The following BCKDHA variants were observed in gnomAD, a reference collection of about 807,000 sequenced individuals.
The protein encoded by BCKDHA is 2-oxoisovalerate dehydrogenase subunit alpha, mitochondrial.
Under a neutral mutation model 52.2 loss-of-function variants are expected in BCKDHA, and 43 were observed. That is an observed-to-expected ratio of 0.82 (90% CI 0.64 to 1.06). The LOEUF is 1.06. Ranked by LOEUF, BCKDHA falls within the 50% of genes least tolerant of loss-of-function variation. BCKDHA has a pLI of 0.00. For missense variants in BCKDHA, 527 were observed against 621.3 expected (o/e 0.85, Z 1.61); for synonymous variants, 234 against 247.9 (o/e 0.94, Z 0.53).
chr19:41,412,400 C>CTTTTTTTTTTTTTTTTTTTTTGTTTTTT, intron 3 of BCKDHA, among the ~76,000 whole-genome samples: 1 of 58,150 alleles, frequency 1.7e-5, no homozygotes, highest in East Asian at 3.8e-4. Flanking sequence ...TTTTTTTTTA[C>CTTTTTTTTTTTTTTTTTTTTTGTTTTTT]TTTTGAGATG....
rs370480422 is a variant in BCKDHA at position 41,424,628 on chromosome 19, C to A, written c.*20C>A. On this transcript the variant is annotated 3_prime_UTR_variant, in exon 9 of 9. Coordinates refer to ENST00000269980, the MANE Select transcript of BCKDHA (RefSeq NM_000709.4). Reference sequence around the variant, plus strand: ...AAGTGAGACCTGCTCAGCCCACCCCCACCCATCCTCAGCTACCCCGAGAGG... The same window carrying A: ...AAGTGAGACCTGCTCAGCCCACCCCAACCCATCCTCAGCTACCCCGAGAGG... The A allele has an allele frequency of 3.0e-4, 464 of 1,564,980 alleles. No homozygotes were observed. Among genetic ancestry groups the A allele is most frequent in the Non-Finnish European group, 3.6e-4 (414 of 1,150,896 alleles).
chr19:41,413,485 C>A (rs1014420208), intron 3 of BCKDHA, among the ~76,000 whole-genome samples: 5 of 152,168 alleles, frequency 3.3e-5, no homozygotes, highest in African/African-American at 1.2e-4. Flanking sequence ...CAAGCTGGGC[C>A]TCTGCCCCCT....
chr19:41,416,239 C>T (rs961478901), intron 4 of BCKDHA, among the ~76,000 whole-genome samples: 5 of 152,184 alleles, frequency 3.3e-5, no homozygotes, highest in African/African-American at 7.2e-5. Context: ...GCCACCGCGC[C>T]GGGCCAGCCA....
chr19:41,414,161 C>G lies in BCKDHA; in HGVS notation c.484+4C>G. On this transcript the variant is annotated splice_donor_region_variant and intron_variant, in intron 4 of 8. Transcript: ENST00000269980. ...TTTGGCCAGTACCGGGAGGCAGGTA[C>G]GTCTGTCCGTGGTTTGGCCCTGTGG... 1.2e-6 allele frequency: 2 copies of G among 1,613,100 alleles called. No homozygotes were observed. Among genetic ancestry groups the G allele is most frequent in the East Asian group, 4.5e-5 (2 of 44,884 alleles).
At chr19:41,416,494 G>A (rs778760219) in intron 4 of BCKDHA, among the ~76,000 whole-genome samples, 14 of 152,232 alleles carry the variant, frequency 9.2e-5, no homozygotes, top group Non-Finnish European at 1.2e-4. Context: ...GAGTGGAGCC[G>A]AGTCTTTTTA....
At position 41,411,027 on chromosome 19, in the gene BCKDHA, TA is replaced by T. The variant is rs1159020481; in HGVS notation, c.375+19del. The T allele has an allele frequency of 4.3e-6, 7 of 1,612,970 alleles. No individual in the cohort carries two copies. In the African/African-American group the frequency reaches 5.3e-5, roughly 12 times the overall value. On this transcript the variant is annotated intron_variant, in intron 3 of 8. Coordinates refer to ENST00000269980, the MANE Select transcript of BCKDHA (RefSeq NM_000709.4). ...AGCGGCAGGTGCGTGGGGACAGGAC[TA>T]GGGGCGGGGGGCTGGAATTACCTGA...
Position 41,424,752 on chromosome 19 carries a change from T to A in BCKDHA, c.*144T>A. Reference sequence around the variant, plus strand: ...ACTCAGCGGCCAGGGCGGCTGCCACTCTTCACCCCTGCTCCTCCCGGCTGT... The same window carrying A: ...ACTCAGCGGCCAGGGCGGCTGCCACACTTCACCCCTGCTCCTCCCGGCTGT... On this transcript the variant is annotated 3_prime_UTR_variant, in exon 9 of 9. Transcript: ENST00000269980. 1 of 874,104 alleles carries A rather than the reference T, an allele frequency of 1.1e-6. No homozygotes were observed. The highest frequency in any genetic ancestry group is 1.8e-5 in the South Asian group (1 of 54,514). The allele number at this position is 874,104 out of a possible 1,614,324, so 54.1% of individuals were successfully genotyped here.
At chr19:41,407,022 A>G (rs993707632) in intron 1 of BCKDHA, among the ~76,000 whole-genome samples, 1 of 150,802 alleles carries the variant, frequency 6.6e-6, no homozygotes, top group Non-Finnish European at 1.5e-5. Flanking sequence ...GCCGCTGCAC[A>G]TCGCCACAGT....
At position 41,410,704 on chromosome 19, in the gene BCKDHA, C is replaced by T. The variant is rs138373035; in HGVS notation, c.176C>T (p.Ala59Val). 5.1e-5 allele frequency: 82 copies of T among 1,614,176 alleles called. No individual in the cohort carries two copies. Among genetic ancestry groups the T allele is most frequent in the African/African-American group, 2.7e-5 (2 of 75,040 alleles). Reference sequence around the variant, plus strand: ...AAGCCCCAGTTCCCAGGGGCCTCGGCGGAGTTTATAGATAAGTTGGAATTC... The same window carrying T: ...AAGCCCCAGTTCCCAGGGGCCTCGGTGGAGTTTATAGATAAGTTGGAATTC... ...DDKPQFPGAS[A>V]EFIDKLEFIQ... is the part of the protein sequence containing the mutation. Residue 59 changes from alanine to valine, a missense_variant, in exon 2 of 9, where the codon GCG becomes GTG. Transcript: ENST00000269980.
chr19:41,417,337 C>T (rs751781931), intron 4 of BCKDHA, among the ~76,000 whole-genome samples: 4 of 152,090 alleles, frequency 2.6e-5, no homozygotes, highest in Non-Finnish European at 4.4e-5. Flanking sequence ...TTAGCACGTT[C>T]CCCTGCCCCT....
chr19:41,409,131 G>A (rs1389791362), intron 1 of BCKDHA, among the ~76,000 whole-genome samples: 2 of 152,026 alleles, frequency 1.3e-5, no homozygotes, highest in African/African-American at 4.8e-5. Flanking sequence ...TGTATTTTTG[G>A]TAGACATGGG....
In BCKDHA at chr19:41,422,351, GT is replaced by G. The variant is rs755451300; in HGVS notation, c.835del (p.Tyr279IlefsTer51). ...YAISTPTSEQ[Y>X]RGDGIAARGP... The stretch of plus-strand genomic sequence containing the variant: ...CCATCTCCACGCCCACCTCTGAGCA[GT>G]ATCGCGGCGATGGCATTGGTATGGG... On this transcript the variant is annotated frameshift_variant, in exon 6 of 9. Transcript: ENST00000269980. LOFTEE classifies it high-confidence loss of function. 10 of 1,614,198 alleles carry G rather than the reference GT, an allele frequency of 6.2e-6. No individual in the cohort carries two copies. Among genetic ancestry groups the G allele is most frequent in the Non-Finnish European group, 7.6e-6 (9 of 1,180,024 alleles).
At chr19:41,422,942 C>T in intron 7 of BCKDHA, 56 bp from the exon 8 acceptor site, 4 of 1,551,518 alleles carry the variant, frequency 2.6e-6, no homozygotes, top group Non-Finnish European at 3.5e-6. Flanking sequence ...CATCCTCCCT[C>T]CTGACCCCCA....
rs763820194 is a variant in BCKDHA, at chr19:41,422,156, C to T, written c.647-8C>T. On this transcript the variant is annotated splice_region_variant and splice_polypyrimidine_tract_variant and intron_variant, in intron 5 of 8. Transcript: ENST00000269980. The stretch of plus-strand genomic sequence containing the variant: ...CGCCCCTGCTCACCACCCTCTCATC[C>T]CCTGCAGCGGTGGGGGCGGCGTACG... 1.4e-5 allele frequency: 23 copies of T among 1,612,336 alleles called. No homozygotes were observed. Among genetic ancestry groups the T allele is most frequent in the Non-Finnish European group, 1.9e-5 (22 of 1,179,344 alleles).
rs1198414753 is a variant in BCKDHA at position 41,422,724 on chromosome 19, G to T, written c.949G>T (p.Ala317Ser). The T allele has an allele frequency of 1.2e-5, 20 of 1,613,922 alleles. No homozygotes were observed. The highest frequency in any genetic ancestry group is 1.6e-5 in the Non-Finnish European group (19 of 1,180,034). ...CGCCACAAAGGAGGCCCGACGGCGG[G>T]CTGTGGCAGAGAACCAGCCCTTCCT... ...YNATKEARRR[A>S]VAENQPFLIE... Residue 317 changes from alanine to serine, a missense_variant, in exon 7 of 9, where the codon GCT becomes TCT. Coordinates refer to ENST00000269980, the MANE Select transcript of BCKDHA (RefSeq NM_000709.4).
At chr19:41,420,385 G>GA (rs34447852) in intron 5 of BCKDHA, among the ~76,000 whole-genome samples, 5 of 148,748 alleles carry the variant, frequency 3.4e-5, no homozygotes, top group African/African-American at 4.9e-5. Flanking sequence ...AAGTGAATGG[G>GA]AAAAAAAAAA....
intron 4 of BCKDHA, among the ~76,000 whole-genome samples, chr19:41,415,876 T>C (rs1375984007): frequency 2.0e-5 from 3 of 149,740 alleles, no homozygotes; most frequent in Non-Finnish European, 4.4e-5. Context: ...CTTGATCTCC[T>C]GACCTTGCGA....
chr19:41,420,155 C>T (rs893947188), intron 5 of BCKDHA, among the ~76,000 whole-genome samples: 3 of 152,182 alleles, frequency 2.0e-5, no homozygotes, highest in Non-Finnish European at 2.9e-5. Flanking sequence ...GGGCCTGAAG[C>T]CTGTGTGACC....
Position 41,410,693 on chromosome 19 carries a change from A to G in BCKDHA, c.165A>G (p.Pro55=), listed in dbSNP as rs1216017259. Residue 55 remains proline (P), a synonymous_variant, in exon 2 of 9, where the codon CCA becomes CCG. Coordinates refer to ENST00000269980, the MANE Select transcript of BCKDHA (RefSeq NM_000709.4). ...FSSLDDKPQF[P]GASAEFIDKL... ...CTCTGGATGACAAGCCCCAGTTCCCAGGGGCCTCGGCGGAGTTTATAGATA... is the reference window on the plus strand; with the variant it reads ...CTCTGGATGACAAGCCCCAGTTCCCGGGGGCCTCGGCGGAGTTTATAGATA... 1 of 1,614,146 alleles carries G rather than the reference A, an allele frequency of 6.2e-7. No individual in the cohort carries two copies. The highest frequency in any genetic ancestry group is 8.5e-7 in the Non-Finnish European group (1 of 1,180,032).
Sources: allele counts gnomAD v4.1 joint callset (sites outside exome capture counted in the v4.1 genomes callset), GRCh38; gene constraint gnomAD v4.1.1; transcripts MANE v1.5; gene names NCBI Gene and HGNC (gene_info 2026-07-23, HGNC 2026-07-21).